Variants in AKR1E2 observed in about 807,000 individuals in gnomAD.
AKR1E2 encodes the protein aldo-keto reductase family 1 member E2, also known as 1,5-anhydro-D-fructose reductase.
AKR1E2 carries 43 observed loss-of-function variants against 41.9 expected under a neutral mutation model. The observed-to-expected ratio is 1.03, with a 90% CI of 0.80 to 1.32. The LOEUF is 1.32. AKR1E2 is among the 40% of genes most tolerant of loss of function. The pLI, the probability that AKR1E2 is intolerant of heterozygous loss-of-function variation, is 0.00. For synonymous variants in AKR1E2, 121 were observed against 138.9 expected (o/e 0.87, Z 0.91); for missense variants, 423 against 396.5 (o/e 1.07, Z -0.57).
chr10:4,833,251 C>A, intron 2 of AKR1E2, 99 bp from the exon 3 acceptor site: 1 of 884,190 alleles, frequency 1.1e-6, no homozygotes, highest in South Asian at 1.4e-5. Flanking sequence ...CTCATCTTGG[C>A]TATTTTGGGT....
chr10:4,847,175 G>T lies in AKR1E2; in HGVS notation c.865G>T (p.Asp289Tyr), dbSNP rs140861331. 2 of 1,614,044 alleles carry T rather than the reference G, an allele frequency of 1.2e-6. No homozygotes were observed. The highest frequency in any genetic ancestry group is 2.7e-5 in the African/African-American group (2 of 74,930). The change falls in exon 9 of 10, where the codon GAT (aspartate) becomes TAT (tyrosine). Residue 289 changes from aspartate (D) to tyrosine (Y), a missense_variant. Coordinates refer to ENST00000298375, the MANE Select transcript of AKR1E2 (RefSeq NM_001040177.3). ...GTTTGATTTTGAATTAACACAGCAC[G>T]ATATGGATAACATCCTCAGCCTAAA... is the stretch of plus-strand genomic sequence containing the variant. ...QVFDFELTQH[D>Y]MDNILSLNRN... is the part of the protein sequence containing the mutation.
chr10:4,847,322 AT>A (rs1834406986), intron 9 of AKR1E2, 92 bp downstream of exon 9: 2 of 1,583,508 alleles, frequency 1.3e-6, no homozygotes, highest in Non-Finnish European at 1.7e-6. Context: ...CACATTTTAG[AT>A]TAATTAAACT....
At chr10:4,844,239 G>T (rs938100955) in intron 8 of AKR1E2, among the ~76,000 whole-genome samples, 4 of 152,164 alleles carry the variant, frequency 2.6e-5, no homozygotes, top group African/African-American at 9.7e-5. Flanking sequence ...CCTTTGCGGT[G>T]AGTGTTACAG....
upstream of AKR1E2, among the ~76,000 whole-genome samples, chr10:4,825,560 C>T (rs974627286): frequency 4.6e-5 from 7 of 152,192 alleles, no homozygotes; most frequent in Non-Finnish European, 5.9e-5. Flanking sequence ...CCAGGACCCC[C>T]GCTGTCCTGC....
At chr10:4,834,390 CACTG>C (rs746090400) in intron 3 of AKR1E2, among the ~76,000 whole-genome samples, 1 of 152,210 alleles carries the variant, frequency 6.6e-6, no homozygotes, top group Non-Finnish European at 1.5e-5. Context: ...CCGTTAGTGA[CACTG>C]ACTAAGAGGG....
intron 8 of AKR1E2, among the ~76,000 whole-genome samples, chr10:4,843,488 C>T (rs913548792): frequency 2.0e-5 from 3 of 152,216 alleles, no homozygotes; most frequent in East Asian, 1.9e-4. Flanking sequence ...GCCAGCTGCA[C>T]AGCTGCATTT....
the AKR1E2 span, among the ~76,000 whole-genome samples, chr10:4,861,696 T>G: frequency 5.3e-5 from 8 of 152,192 alleles, no homozygotes; most frequent in Admixed American, 5.2e-4. Flanking sequence ...AAAAATTCTT[T>G]GAAATAATTT....
rs117756375 is a variant in AKR1E2, at chr10:4,836,127, T to C, written c.459+318T>C. Among the ~76,000 whole-genome samples the C allele has an allele frequency of 0.035, 5,384 of 152,322 alleles. 148 individuals carry two copies. Among genetic ancestry groups the C allele is most frequent in the East Asian group, 0.11 (589 of 5,172 alleles). ...TTCAGAAAATACAGGAGAGTTCTTC[T>C]GCATTAAACTAACATTAAAAATTTT... On this transcript the variant is annotated intron_variant, in intron 4 of 9. Coordinates refer to ENST00000298375, the MANE Select transcript of AKR1E2 (RefSeq NM_001040177.3).
At chr10:4,863,076 C>T in the AKR1E2 span, among the ~76,000 whole-genome samples, 1 of 152,074 alleles carries the variant, frequency 6.6e-6, no homozygotes, top group Non-Finnish European at 1.5e-5. Flanking sequence ...GCAAGGATAT[C>T]CAGGAATTGA....
intron 8 of AKR1E2, 66 bp from the exon 9 acceptor site, chr10:4,847,082 G>C: frequency 6.4e-7 from 1 of 1,569,668 alleles, no homozygotes. Context: ...TGCTATGTAG[G>C]TAACATGTGC....
At chr10:4,827,641 T>C (rs1380529284) in intron 1 of AKR1E2, among the ~76,000 whole-genome samples, 2 of 152,232 alleles carry the variant, frequency 1.3e-5, no homozygotes, top group Non-Finnish European at 2.9e-5. Flanking sequence ...TGATAAAAGC[T>C]ATAAGAAGTC....
chr10:4,837,128 T>A (rs1159830505), intron 4 of AKR1E2, among the ~76,000 whole-genome samples: 6 of 152,196 alleles, frequency 3.9e-5, no homozygotes, highest in Non-Finnish European at 7.4e-5. Context: ...AGCTCACATG[T>A]GTCGAGTACT....
intron 8 of AKR1E2, among the ~76,000 whole-genome samples, chr10:4,846,373 T>G (rs1834335623): frequency 6.6e-6 from 1 of 152,086 alleles, no homozygotes; most frequent in Admixed American, 6.5e-5. Flanking sequence ...CTGAGAAGAA[T>G]ACTATTTTCA....
At chr10:4,847,030 T>C (rs1834384600) in intron 8 of AKR1E2, 118 bp from the exon 9 acceptor site, 1 of 1,083,416 alleles carries the variant, frequency 9.2e-7, no homozygotes, top group South Asian at 1.6e-5. Flanking sequence ...TCTGATGAAG[T>C]GTTTGTTTTA....
chr10:4,837,568 C>CACTA lies in AKR1E2; in HGVS notation c.572_575dup (p.Ile195ProfsTer3). The CACTA allele has an allele frequency of 6.2e-7, 1 of 1,613,430 alleles. No homozygotes were observed. The highest frequency in any genetic ancestry group is 8.5e-7 in the Non-Finnish European group (1 of 1,179,488). Reference sequence around the variant, plus strand: ...AATAAGCCTGGGTTGAGGTTCAAGCCACTAACCAACCAGGTAAGCCGATGG... The same window carrying CACTA: ...AATAAGCCTGGGTTGAGGTTCAAGCCACTAACTAACCAACCAGGTAAGCCGATGG... On this transcript the variant is annotated frameshift_variant, in exon 5 of 10. Coordinates refer to ENST00000298375, the MANE Select transcript of AKR1E2 (RefSeq NM_001040177.3). LOFTEE classifies it high-confidence loss of function.
intron 3 of AKR1E2, among the ~76,000 whole-genome samples, chr10:4,833,753 G>C (rs1833172312): frequency 6.6e-6 from 1 of 151,380 alleles, no homozygotes; most frequent in African/African-American, 2.4e-5. Flanking sequence ...TAGGTTTTTA[G>C]GTGAAAGCAG....
At chr10:4,867,665 C>A in the AKR1E2 span, among the ~76,000 whole-genome samples, 1 of 152,172 alleles carries the variant, frequency 6.6e-6, no homozygotes, top group African/African-American at 2.4e-5. Context: ...GCAAAGATAA[C>A]GCCATTCATC....
chr10:4,867,152 G>A, the AKR1E2 span, among the ~76,000 whole-genome samples: 10 of 152,178 alleles, frequency 6.6e-5, no homozygotes, highest in South Asian at 2.1e-4. Flanking sequence ...CTACCATCAG[G>A]AATGAACAAG....
intron 8 of AKR1E2, among the ~76,000 whole-genome samples, chr10:4,844,429 A>G (rs926795133): frequency 2.0e-5 from 3 of 152,238 alleles, no homozygotes; most frequent in Non-Finnish European, 2.9e-5. Context: ...AAGCTTCCGC[A>G]GTGTGGAAGG....
Sources: gnomAD v4.1 joint callset for allele counts (sites outside exome capture counted in the v4.1 genomes callset) on GRCh38, gnomAD v4.1.1 for gene constraint, MANE v1.5 for transcripts, NCBI Gene and HGNC (gene_info 2026-07-23, HGNC 2026-07-21) for gene names.